The following PI4KA variants were observed in gnomAD, a reference collection of about 807,000 sequenced individuals.
PI4KA encodes PI4-kinase alpha.
Under a neutral mutation model 271.4 loss-of-function variants are expected in PI4KA, and 122 were observed. That is an observed-to-expected ratio of 0.45 (90% CI 0.39 to 0.52). PI4KA has a LOEUF of 0.52. Among genes scored for constraint, PI4KA ranks in the 20% least tolerant of loss-of-function variants. PI4KA has a pLI of 0.00. For synonymous variants in PI4KA, 1,041 were observed against 1,078.8 expected, an observed-to-expected ratio of 0.96 and a Z score of 0.69; for missense variants, 1,969 against 2,769.1, an observed-to-expected ratio of 0.71 and a Z score of 6.48.
chr22:20,788,443 C>G lies in PI4KA; in HGVS notation c.2328+4750G>C, dbSNP rs549364134. On this transcript the variant is annotated intron_variant, in intron 19 of 54. Coordinates refer to ENST00000255882, the MANE Select transcript of PI4KA (RefSeq NM_058004.4). ...TCACAGAGTCTCCTTACCCTCAATC[C>G]CTAGGGGGCTGGCACTGTTACCCCT... is the stretch of plus-strand genomic sequence containing the variant. Among the ~76,000 whole-genome samples, 16 of 152,276 alleles carry G rather than the reference C, an allele frequency of 1.1e-4. No homozygotes were observed. In the South Asian group the frequency reaches 2.9e-3, roughly 28 times the overall value.
At chr22:20,727,627 G>A (rs1026251787) in intron 40 of PI4KA, 147 bp downstream of exon 40, 1 of 701,360 alleles carries the variant, frequency 1.4e-6, no homozygotes, top group African/African-American at 1.8e-5. Flanking sequence ...ACAAGAAATA[G>A]AAAACACAGG....
intron 17 of PI4KA, 61 bp from the exon 18 acceptor site, chr22:20,796,375 G>T: frequency 6.5e-7 from 1 of 1,528,936 alleles, no homozygotes; most frequent in Non-Finnish European, 8.9e-7. Flanking sequence ...CCAAGGGACG[G>T]CACTGCAGGG....
intron 8 of PI4KA, among the ~76,000 whole-genome samples, chr22:20,812,312 T>C (rs984839770): frequency 6.6e-6 from 1 of 152,176 alleles, no homozygotes; most frequent in Non-Finnish European, 1.5e-5. Flanking sequence ...TTACCTATGT[T>C]GTAATGTCTT....
chr22:20,769,621 A>G (rs1198703748), intron 19 of PI4KA, among the ~76,000 whole-genome samples: 1 of 150,518 alleles, frequency 6.6e-6, no homozygotes, highest in African/African-American at 2.5e-5. Context: ...GTGAGCCAAG[A>G]TTGCGCCACT....
chr22:20,767,882 G>A lies in PI4KA; in HGVS notation c.2329-2189C>T, dbSNP rs917659209. Among the ~76,000 whole-genome samples, 12 of 151,336 alleles carry A rather than the reference G, an allele frequency of 7.9e-5. No homozygotes were observed. In the South Asian group the frequency reaches 2.1e-3, roughly 26 times the overall value. ...ACTCCTGACCTCAAGTGATCTGCCC[G>A]CCTCAGCCTCCTAAAGTCCTGGGAT... On this transcript the variant is annotated intron_variant, in intron 19 of 54. Transcript: ENST00000255882.
chr22:20,725,815 G>C (rs5760206), intron 42 of PI4KA: 1 of 269,324 alleles, frequency 3.7e-6, no homozygotes, highest in Non-Finnish European at 7.7e-6. Flanking sequence ...AAGGTGCTGA[G>C]GTGGGAGGAT....
chr22:20,798,781 C>T, intron 16 of PI4KA, 94 bp from the exon 17 acceptor site: 5 of 838,994 alleles, frequency 6.0e-6, no homozygotes, highest in Non-Finnish European at 6.1e-6. Context: ...AATCCTGGGG[C>T]ACAACAGCCC....
Position 20,820,532 on chromosome 22 carries a change from C to T in PI4KA, c.529+7G>A, listed in dbSNP as rs1416912036. 5 of 1,586,620 alleles carry T rather than the reference C, an allele frequency of 3.2e-6. No individual in the cohort carries two copies. The highest frequency in any genetic ancestry group is 4.3e-6 in the Non-Finnish European group (5 of 1,159,570). ...CATTTTAAGAAAAACCTTAAGGATACTCGTACCTTTGTCTTGAATCTCCAA... is the reference window on the plus strand; with the variant it reads ...CATTTTAAGAAAAACCTTAAGGATATTCGTACCTTTGTCTTGAATCTCCAA... On this transcript the variant is annotated splice_region_variant and intron_variant, in intron 5 of 54. Coordinates refer to ENST00000255882, the MANE Select transcript of PI4KA (RefSeq NM_058004.4).
intron 41 of PI4KA, 59 bp downstream of exon 41, chr22:20,727,171 A>G: frequency 6.7e-7 from 1 of 1,491,996 alleles, no homozygotes; most frequent in South Asian, 1.2e-5. Flanking sequence ...GCCTCTCACC[A>G]GGTAAGACCC....
chr22:20,738,579 T>C (rs1181714497), intron 32 of PI4KA, among the ~76,000 whole-genome samples: 5 of 151,946 alleles, frequency 3.3e-5, no homozygotes, highest in Non-Finnish European at 7.4e-5. Flanking sequence ...CAGGTCCTTG[T>C]GGAGGCAGAG....
chr22:20,805,759 G>A (rs552420088), intron 10 of PI4KA, among the ~76,000 whole-genome samples: 1 of 151,582 alleles, frequency 6.6e-6, no homozygotes, highest in African/African-American at 2.4e-5. Context: ...GTCAACCCGG[G>A]AGGCGGAGCT....
chr22:20,817,734 C>CAAAAAAAAAA (rs361731), intron 7 of PI4KA, among the ~76,000 whole-genome samples: 23 of 13,970 alleles, frequency 1.6e-3, no homozygotes, highest in South Asian at 5.2e-3. Flanking sequence ...ACTCTCTCTC[C>CAAAAAAAAAA]AAAAAAAAAA....
At chr22:20,799,412 A>G (rs1256158058) in intron 15 of PI4KA, 136 bp from the exon 16 acceptor site, 5 of 899,520 alleles carry the variant, frequency 5.6e-6, no homozygotes, top group Non-Finnish European at 8.1e-6. Flanking sequence ...CTGACAGCCC[A>G]GGATTTTAAC....
chr22:20,801,666 C>G (rs1935338906), intron 14 of PI4KA, among the ~76,000 whole-genome samples: 2 of 151,816 alleles, frequency 1.3e-5, no homozygotes, highest in South Asian at 4.2e-4. Context: ...GGTGGATCAC[C>G]TGAGGTCAGG....
chr22:20,718,677 G>A lies in PI4KA; in HGVS notation c.5246+16C>T. Reference sequence around the variant, plus strand: ...AAGGAGATCCCAGAAGGTGGTTTCTGAAGCACTGCACTTACTTGATGATAG... The same window carrying A: ...AAGGAGATCCCAGAAGGTGGTTTCTAAAGCACTGCACTTACTTGATGATAG... On this transcript the variant is annotated intron_variant, in intron 44 of 54. Transcript: ENST00000255882. 1 of 1,612,648 alleles carries A rather than the reference G, an allele frequency of 6.2e-7. No individual in the cohort carries two copies. Among genetic ancestry groups the A allele is most frequent in the Non-Finnish European group, 8.5e-7 (1 of 1,179,750 alleles).
chr22:20,846,803 A>G (rs1281204642), intron 1 of PI4KA, among the ~76,000 whole-genome samples: 1 of 136,394 alleles, frequency 7.3e-6, no homozygotes, highest in Non-Finnish European at 1.5e-5. Context: ...AGATCACCAC[A>G]GTGCATTCCA....
chr22:20,775,131 C>T (rs1462988677), intron 19 of PI4KA, among the ~76,000 whole-genome samples: 1 of 151,728 alleles, frequency 6.6e-6, no homozygotes, highest in Non-Finnish European at 1.5e-5. Flanking sequence ...TGCTCTGATG[C>T]GTGACTGAAA....
intron 45 of PI4KA, among the ~76,000 whole-genome samples, chr22:20,716,125 A>C (rs1337069440): frequency 6.6e-6 from 1 of 151,798 alleles, no homozygotes; most frequent in Non-Finnish European, 1.5e-5. Context: ...ATCTTGGCTT[A>C]CTGCAAGCTC....
chr22:20,740,061 CAAAAAAAAAA>C (rs59323542), intron 32 of PI4KA, among the ~76,000 whole-genome samples: 31 of 73,370 alleles, frequency 4.2e-4, no homozygotes, highest in African/African-American at 1.5e-3. Context: ...GACCCCATCT[CAAAAAAAAAA>C]AAAAAAAAAA....
Sources: allele counts gnomAD v4.1 joint callset (sites outside exome capture counted in the v4.1 genomes callset), GRCh38; gene constraint gnomAD v4.1.1; transcripts MANE v1.5; gene names NCBI Gene and HGNC (gene_info 2026-07-23, HGNC 2026-07-21).